The following FXYD1 variants were observed in gnomAD, a reference collection of about 807,000 sequenced individuals.
FXYD1 encodes the protein FXYD domain containing ion transport regulator 1.
FXYD1 carries 9 observed loss-of-function variants against 17.2 expected under a neutral mutation model. That is an observed-to-expected ratio of 0.52 (90% CI 0.32 to 0.91). The LOEUF (loss-of-function observed/expected upper bound fraction) is 0.91, where lower values mean the gene tolerates loss of function less well. Among genes scored for constraint, FXYD1 ranks in the 40% least tolerant of loss-of-function variants. The pLI is 0.04. For missense variants in FXYD1, 113 were observed against 120.6 expected (o/e 0.94, Z 0.29); for synonymous variants, 55 against 45.8 (o/e 1.20, Z -0.81).
chr19:35,140,205 A>G, intron 2 of FXYD1, 65 bp downstream of exon 2: 2 of 965,564 alleles, frequency 2.1e-6, no homozygotes, highest in Non-Finnish European at 3.4e-6. Flanking sequence ...GGACCGAAGA[A>G]CCAAGTTGGA....
chr19:35,141,042 T>G, intron 3 of FXYD1, 90 bp from the exon 4 acceptor site: 2 of 788,526 alleles, frequency 2.5e-6, no homozygotes, highest in Non-Finnish European at 2.2e-6. Context: ...TGCTGGTCCT[T>G]TCTCCCTGTT....
rs2065269372 is a variant in FXYD1, at chr19:35,142,764, C to A, written c.*22C>A. On this transcript the variant is annotated 3_prime_UTR_variant, in exon 7 of 8. Transcript: ENST00000351325. ...GTAGAAACACCTGGAGCGATGGAAT[C>A]CGGCCAGGTGCTGCAGCTCTGACAC... 6.2e-7 allele frequency: 1 copy of A among 1,611,310 alleles called. No homozygotes were observed. Among genetic ancestry groups the A allele is most frequent in the South Asian group, 1.1e-5 (1 of 90,896 alleles).
intron 2 of FXYD1, 57 bp downstream of exon 2, chr19:35,140,197 A>G (rs77169467): frequency 9.8e-6 from 10 of 1,024,858 alleles, no homozygotes; most frequent in African/African-American, 4.7e-5. Context: ...GGCGGTGGGG[A>G]CCGAAGAACC....
chr19:35,141,458 G>A, intron 4 of FXYD1, 78 bp from the exon 5 acceptor site: 1 of 1,231,022 alleles, frequency 8.1e-7, no homozygotes, highest in African/African-American at 1.5e-5. Context: ...CCCCTCGCGA[G>A]GGCGAGCTGG....
Position 35,141,034 on chromosome 19 carries a change from C to A in FXYD1, c.95-98C>A, listed in dbSNP as rs531474116. The A allele has an allele frequency of 4.0e-6, 3 of 756,864 alleles. No homozygotes were observed. In the Middle Eastern group the frequency reaches 6.9e-4, roughly 175 times the overall value. 46.9% of individuals were successfully genotyped at this position (756,864 alleles called of 1,614,324 possible). ...TATCTTACTTCCCCCCTTCTGCCTG[C>A]TGGTCCTTTCTCCCTGTTCCCTCCT... On this transcript the variant is annotated intron_variant, in intron 3 of 7. Coordinates refer to ENST00000351325, the MANE Select transcript of FXYD1 (RefSeq NM_021902.4).
intron 1 of FXYD1, chr19:35,139,357 T>A (rs936228703): frequency 1.3e-5 from 2 of 152,886 alleles, no homozygotes; most frequent in African/African-American, 4.8e-5. Context: ...CTGGGCCTCA[T>A]GTCACTTGCC....
intron 5 of FXYD1, chr19:35,142,253 T>A: frequency 2.3e-6 from 1 of 434,882 alleles, no homozygotes. Context: ...TGCCCCCAAA[T>A]CCGCGGAGGT....
At chr19:35,142,823 C>G in intron 7 of FXYD1, 52 bp downstream of exon 7, 3 of 1,410,446 alleles carry the variant, frequency 2.1e-6, no homozygotes, top group South Asian at 1.2e-5. Context: ...GAAGGAAAGG[C>G]GGGAGAGGGA....
chr19:35,141,903 TAG>T (rs1199047299), intron 5 of FXYD1, among the ~76,000 whole-genome samples: 2 of 152,274 alleles, frequency 1.3e-5, no homozygotes, highest in Non-Finnish European at 2.9e-5. Flanking sequence ...CAGTTTAGCT[TAG>T]AGTCTTGTTC....
chr19:35,140,176 G>A, intron 2 of FXYD1, 36 bp downstream of exon 2: 1 of 1,204,428 alleles, frequency 8.3e-7, no homozygotes, highest in Non-Finnish European at 1.2e-6. Flanking sequence ...ACCCACCTCA[G>A]CCCCAGGGGT....
chr19:35,142,222 C>T (rs899568531), intron 5 of FXYD1: 1 of 444,178 alleles, frequency 2.3e-6, no homozygotes, highest in South Asian at 4.1e-5. Context: ...GACTATCCCT[C>T]CCCCACCAAC....
chr19:35,140,826 A>T, intron 3 of FXYD1, 197 bp downstream of exon 3: 1 of 588,076 alleles, frequency 1.7e-6, no homozygotes, highest in Non-Finnish European at 3.0e-6. Context: ...TCTATGTGAT[A>T]CCTCTCTGGT....
intron 1 of FXYD1, chr19:35,139,430 C>G (rs187232160): frequency 6.6e-6 from 1 of 152,624 alleles, no homozygotes; most frequent in Non-Finnish European, 1.5e-5. Flanking sequence ...TTCCTTTTCT[C>G]GTTGCTGCCC....
rs759164582 is a variant in FXYD1 at position 35,140,661 on chromosome 19, G to A, written c.94+32G>A. On this transcript the variant is annotated intron_variant, in intron 3 of 7. Coordinates refer to ENST00000351325, the MANE Select transcript of FXYD1 (RefSeq NM_021902.4). The stretch of plus-strand genomic sequence containing the variant: ...GGGGGGTCTAATTTTGAGTCCTGGG[G>A]GAGAGCCTGGCTTTGCTGGTCCTTT... 8 of 1,603,304 alleles carry A rather than the reference G, an allele frequency of 5.0e-6. No individual in the cohort carries two copies. In the South Asian group the frequency reaches 6.6e-5, roughly 13 times the overall value.
chr19:35,140,715 C>A (rs1238860496), intron 3 of FXYD1, 86 bp downstream of exon 3: 2 of 1,078,150 alleles, frequency 1.9e-6, no homozygotes, highest in Admixed American at 1.8e-5. Context: ...CCCAGAGTCC[C>A]AGTATTGATA....
At chr19:35,139,458 A>G (rs1672997) in intron 1 of FXYD1, 64,012 of 151,902 alleles carry the variant, frequency 0.42, 14,093 homozygotes, top group South Asian at 0.55. Context: ...AGACGGGGTG[A>G]CCTTTCCCAC....
In FXYD1 at chr19:35,141,151, C is replaced by G; in HGVS notation, c.114C>G (p.Ile38Met). Residue 38 changes from isoleucine to methionine, a missense_variant, in exon 4 of 8, where the codon ATC (isoleucine) becomes ATG (methionine). Ile to Met is a conservative substitution (Grantham distance 10, BLOSUM62 1). Transcript: ENST00000351325. ...TCACAGACTACCAGTCCCTGCAGAT[C>G]GGAGGCCTCGTCATCGCCGGGATCC... ...PFTYDYQSLQ[I>M]GGLVIAGILF... is the part of the protein sequence containing the mutation. 1 of 1,609,580 alleles carries G rather than the reference C, an allele frequency of 6.2e-7. No individual in the cohort carries two copies.
chr19:35,140,803 ATC>A (rs1452661174), intron 3 of FXYD1, 174 bp downstream of exon 3: 10 of 619,060 alleles, frequency 1.6e-5, no homozygotes, highest in Non-Finnish European at 2.9e-5. Flanking sequence ...GTCTGTGTCT[ATC>A]TGTGTCACTG....
chr19:35,140,286 G>A, intron 2 of FXYD1, 146 bp downstream of exon 2: 1 of 661,558 alleles, frequency 1.5e-6, no homozygotes. Flanking sequence ...TCCAGTCACA[G>A]GCTGGTATTT....
Sources: allele counts gnomAD v4.1 joint callset (sites outside exome capture counted in the v4.1 genomes callset), GRCh38; gene constraint gnomAD v4.1.1; transcripts MANE v1.5; gene names NCBI Gene and HGNC (gene_info 2026-07-23, HGNC 2026-07-21).